Variants in VNN2 observed in about 807,000 individuals in gnomAD.
VNN2 encodes vanin 2.
Under a neutral mutation model 43.0 loss-of-function variants are expected in VNN2, and 43 were observed. That is an observed-to-expected ratio of 1.00 (90% CI 0.78 to 1.29). The LOEUF (loss-of-function observed/expected upper bound fraction) is 1.29. Among genes scored for constraint, VNN2 ranks in the 50% most tolerant of loss-of-function variants. The probability of loss-of-function intolerance (pLI) is 0.00; values close to 1 mark genes in which losing one functional copy is unlikely to be tolerated. For missense variants in VNN2, 652 were observed against 619.7 expected (o/e 1.05, Z -0.55); for synonymous variants, 230 against 224.3 (o/e 1.03, Z -0.23).
At chr6:132,751,808 C>T (rs1257784613) in intron 4 of VNN2, among the ~76,000 whole-genome samples, 3 of 152,158 alleles carry the variant, frequency 2.0e-5, no homozygotes, top group Non-Finnish European at 2.9e-5. Flanking sequence ...GTCAGGAGTT[C>T]CTGAAAGGTG....
In VNN2 at chr6:132,749,846, C is replaced by T. The variant is rs372691420; in HGVS notation, c.1220G>A (p.Cys407Tyr). Residue 407 changes from cysteine (C) to tyrosine (Y), a missense_variant, in exon 6 of 7, where the codon TGC (cysteine) becomes TAC (tyrosine). Physicochemically the swap from Cys to Tyr is radical, Grantham distance 194 (BLOSUM62 -2). Coordinates refer to ENST00000326499, the MANE Select transcript of VNN2 (RefSeq NM_004665.6). ...EYWQVCTLLK[C>Y]KTTNLTTCGR... ...ACAAGTTGTCAAATTAGTAGTTTTG[C>T]ACTTCAGCAGTGTGCAGACCTATGT... 4 of 1,613,918 alleles carry T rather than the reference C, an allele frequency of 2.5e-6. No individual in the cohort carries two copies. In the African/African-American group the frequency reaches 5.3e-5, roughly 22 times the overall value.
intron 5 of VNN2, among the ~76,000 whole-genome samples, chr6:132,750,843 A>T (rs1780027906): frequency 6.6e-6 from 1 of 152,142 alleles, no homozygotes; most frequent in African/African-American, 2.4e-5. Flanking sequence ...AGTCTTCTTG[A>T]TGTTCTCCAC....
At chr6:132,754,211 T>C (rs1411465624) in intron 3 of VNN2, among the ~76,000 whole-genome samples, 4 of 152,068 alleles carry the variant, frequency 2.6e-5, no homozygotes. Context: ...TGAAAGATAA[T>C]ACAAATAATG....
intron 1 of VNN2, 26 bp from the exon 2 acceptor site, chr6:132,757,572 T>A: frequency 6.2e-7 from 1 of 1,611,162 alleles, no homozygotes; most frequent in Non-Finnish European, 8.5e-7. Flanking sequence ...AAAATAAAAA[T>A]GATTTTTCCA....
chr6:132,760,803 G>C (rs1270737935), upstream of VNN2: 1 of 152,060 alleles, frequency 6.6e-6, no homozygotes, highest in Non-Finnish European at 1.5e-5. Context: ...TCTGTCCTTG[G>C]CTGTAAAAGA....
intron 6 of VNN2, among the ~76,000 whole-genome samples, chr6:132,747,785 G>C (rs2114525231): frequency 6.6e-6 from 1 of 152,298 alleles, no homozygotes; most frequent in South Asian, 2.1e-4. Flanking sequence ...AAAGGAAGTA[G>C]TAATGGAATA....
At chr6:132,750,670 A>T (rs1393900757) in intron 5 of VNN2, among the ~76,000 whole-genome samples, 1 of 150,404 alleles carries the variant, frequency 6.6e-6, no homozygotes, top group African/African-American at 2.4e-5. Flanking sequence ...TCAAAAAAAA[A>T]AAAAAGAAAA....
chr6:132,751,294 G>T lies in VNN2; in HGVS notation c.1051C>A (p.Leu351Ile), dbSNP rs150864226. ...GTAAGGTTTCCTGCATTTTCAAAAA[G>T]TTCTGTGAAGTTGAACCCATCCCTG... Reference protein sequence around the residue: ...ISRDGFNFTELFENAGNLTVC... With the variant: ...ISRDGFNFTEIFENAGNLTVC... The change falls in exon 5 of 7, where the codon CTT becomes ATT. Residue 351 changes from leucine (L) to isoleucine (I), a missense_variant. Leu to Ile is a conservative substitution (Grantham distance 5, BLOSUM62 2). Transcript: ENST00000326499. The T allele has an allele frequency of 2.5e-6, 4 of 1,614,042 alleles. No homozygotes were observed. The African/African-American group carries it at 4.0e-5, about 16-fold the overall frequency.
At chr6:132,758,051 T>TA (rs1173312840), upstream of VNN2, 1,789 of 474,618 alleles carry the variant, frequency 3.8e-3, 65 homozygotes, top group Non-Finnish European at 4.2e-3. Flanking sequence ...TTTTTTTTTT[T>TA]TTTTTTTTTT....
At chr6:132,752,322 C>CT (rs891059015) in intron 4 of VNN2, 139 bp downstream of exon 4, 1,261 of 981,346 alleles carry the variant, frequency 1.3e-3, no homozygotes, top group Non-Finnish European at 1.5e-3. Context: ...CAAGTGCTAG[C>CT]TTTTTTTTTC....
Position 132,755,900 on chromosome 6 carries a change from T to C in VNN2, c.480A>G (p.Gln160=). 1 of 1,614,066 alleles carries C rather than the reference T, an allele frequency of 6.2e-7. No individual in the cohort carries two copies. Among genetic ancestry groups the C allele is most frequent in the Non-Finnish European group, 8.5e-7 (1 of 1,180,022 alleles). ...DSTCPPNGYF[Q]YNTNVVYNTE... is the part of the protein sequence containing the mutation. The stretch of plus-strand genomic sequence containing the variant: ...TATTATACACCACATTGGTATTGTA[T>C]TGAAAGTAGCCATTAGGAGGACATG... The change falls in exon 3 of 7, where the codon CAA becomes CAG. Residue 160 remains glutamine (Q), a synonymous_variant. Transcript: ENST00000326499.
Position 132,756,051 on chromosome 6 carries a change from A to C in VNN2, c.345-16T>G. On this transcript the variant is annotated splice_polypyrimidine_tract_variant and intron_variant, in intron 2 of 6. Transcript: ENST00000326499. Reference sequence around the variant, plus strand: ...GTGACCAAATCTAAACCAAATTATAATTAAGAAATTTCAATTTTAAAAAAA... The same window carrying C: ...GTGACCAAATCTAAACCAAATTATACTTAAGAAATTTCAATTTTAAAAAAA... 2.0e-6 allele frequency: 3 copies of C among 1,525,610 alleles called. No individual in the cohort carries two copies. The highest frequency in any genetic ancestry group is 2.5e-5 in the South Asian group (2 of 78,898). The allele number at this position is 1,525,610 out of a possible 1,614,324, so 94.5% of individuals were successfully genotyped here. A position where few individuals can be genotyped will look rare whatever the true frequency, so the allele number is the denominator to read the frequency against.
At chr6:132,760,810 A>G (rs1238400441), upstream of VNN2, 1 of 152,166 alleles carries the variant, frequency 6.6e-6, no homozygotes, top group African/African-American at 2.4e-5. Flanking sequence ...TTGGCTGTAA[A>G]AGATAGAAAT....
At chr6:132,758,000 T>TTTCTTCTTCTTCTTCTTCTTCTTC (rs60545394), upstream of VNN2, 958 of 341,712 alleles carry the variant, frequency 2.8e-3, 226 homozygotes, top group African/African-American at 0.03. Flanking sequence ...TATCATCATT[T>TTTCTTCTTCTTCTTCTTCTTCTTC]TTCTTCTTCT....
chr6:132,758,622 T>C (rs1780643289), upstream of VNN2, among the ~76,000 whole-genome samples: 1 of 152,208 alleles, frequency 6.6e-6, no homozygotes, highest in Admixed American at 6.5e-5. Context: ...TTTTTGGTTC[T>C]GTTGAGTCAC....
upstream of VNN2, chr6:132,757,910 C>T (rs1197283681): frequency 6.3e-7 from 1 of 1,588,384 alleles, no homozygotes; most frequent in African/African-American, 1.4e-5. Context: ...TTTCTGAAAG[C>T]AAAAATAACA....
chr6:132,751,004 GTGTGTGT>G, intron 5 of VNN2, 134 bp downstream of exon 5: 5 of 963,560 alleles, frequency 5.2e-6, no homozygotes, highest in Non-Finnish European at 7.7e-6. Context: ...ACGTGTGTGT[GTGTGTGT>G]TGTGTGTGTG....
intron 3 of VNN2, chr6:132,753,654 A>AT (rs751688256): frequency 3.6e-6 from 1 of 277,790 alleles, no homozygotes; most frequent in Non-Finnish European, 7.2e-6. Flanking sequence ...CTTTACTACT[A>AT]TTTTAAGAAT....
chr6:132,756,648 G>A (rs559596816), intron 2 of VNN2, among the ~76,000 whole-genome samples: 3 of 151,992 alleles, frequency 2.0e-5, no homozygotes, highest in African/African-American at 7.2e-5. Context: ...CTATTTATTG[G>A]TTGCTCTTCT....
Sources: gnomAD v4.1 joint callset for allele counts (sites outside exome capture counted in the v4.1 genomes callset) on GRCh38, gnomAD v4.1.1 for gene constraint, MANE v1.5 for transcripts, NCBI Gene and HGNC (gene_info 2026-07-23, HGNC 2026-07-21) for gene names.